The following TBC1D8 variants were observed in gnomAD, a reference collection of about 807,000 sequenced individuals.
The protein encoded by TBC1D8 is TBC1 domain family member 8.
Under a neutral mutation model 118.8 loss-of-function variants are expected in TBC1D8, and 65 were observed. That is an observed-to-expected ratio of 0.55 (90% CI 0.45 to 0.67). TBC1D8 has a LOEUF of 0.67. Among genes scored for constraint, TBC1D8 ranks in the 30% least tolerant of loss-of-function variants. The pLI is 0.00. For synonymous variants in TBC1D8, 566 were observed against 595.8 expected (o/e 0.95, Z 0.73); for missense variants, 1,376 against 1,471.2 (o/e 0.94, Z 1.06).
At chr2:101,009,998 T>C (rs567463216) in intron 19 of TBC1D8, among the ~76,000 whole-genome samples, 239 of 152,046 alleles carry the variant, frequency 1.6e-3, no homozygotes, top group African/African-American at 5.5e-3. Flanking sequence ...ATTTTTTTTT[T>C]TGTATTTTTA....
chr2:101,035,811 C>T lies in TBC1D8; in HGVS notation c.1603+207G>A, dbSNP rs149360276. Among the ~76,000 whole-genome samples, 757 of 152,284 alleles carry T rather than the reference C, an allele frequency of 5.0e-3. 10 individuals are homozygous for T. Among genetic ancestry groups the T allele is most frequent in the African/African-American group, 0.017 (723 of 41,554 alleles). ...CAGACCTCGCATTTACCCAGTTGGA[C>T]GCCACAGCCCAGAGGCCCAGGCAGC... On this transcript the variant is annotated intron_variant, in intron 9 of 19. Coordinates refer to ENST00000409318, the MANE Select transcript of TBC1D8 (RefSeq NM_001330348.2).
intron 14 of TBC1D8, 93 bp from the exon 15 acceptor site, chr2:101,027,544 C>T (rs1558631597): frequency 3.6e-5 from 40 of 1,100,492 alleles, no homozygotes; most frequent in Non-Finnish European, 5.2e-5. Context: ...GAAGGGGACA[C>T]AAGGAGCCCA....
intron 5 of TBC1D8, among the ~76,000 whole-genome samples, chr2:101,049,330 C>T (rs562980634): frequency 2.8e-4 from 42 of 152,330 alleles, no homozygotes; most frequent in African/African-American, 9.6e-4. Context: ...ACGTAGCATA[C>T]TGACTTACAC....
At chr2:101,148,028 T>C (rs1256051296) in intron 1 of TBC1D8, among the ~76,000 whole-genome samples, 3 of 152,216 alleles carry the variant, frequency 2.0e-5, no homozygotes, top group Non-Finnish European at 2.9e-5. Flanking sequence ...GGCACCTCCC[T>C]AGTAGTGCTC....
At chr2:101,133,146 C>T (rs1367428417) in intron 1 of TBC1D8, among the ~76,000 whole-genome samples, 1 of 137,388 alleles carries the variant, frequency 7.3e-6, no homozygotes, top group African/African-American at 2.8e-5. Flanking sequence ...GGTGACAGTG[C>T]GAGACTCCAT....
intron 2 of TBC1D8, 140 bp from the exon 3 acceptor site, chr2:101,059,679 G>A (rs576619537): frequency 5.5e-5 from 37 of 667,010 alleles, no homozygotes; most frequent in Admixed American, 1.8e-4. Flanking sequence ...AGTGGCTCAC[G>A]CCTGTAATCC....
At chr2:101,099,023 TGGA>T (rs1342797354) in intron 1 of TBC1D8, among the ~76,000 whole-genome samples, 1 of 129,020 alleles carries the variant, frequency 7.8e-6, no homozygotes, top group East Asian at 2.2e-4. Context: ...AGAGAAGAAG[TGGA>T]GGAGATAGAG....
At position 101,028,404 on chromosome 2, in the gene TBC1D8, T is replaced by C. The variant is rs770908183; in HGVS notation, c.2251A>G (p.Ser751Gly). 47 of 1,600,014 alleles carry C rather than the reference T, an allele frequency of 2.9e-5. 1 individual carries two copies. In the South Asian group the frequency reaches 5.0e-4, roughly 17 times the overall value. The change falls in exon 13 of 20, where the codon AGC becomes GGC. Residue 751 changes from serine to glycine, a missense_variant. Coordinates refer to ENST00000409318, the MANE Select transcript of TBC1D8 (RefSeq NM_001330348.2). ...RFLDHIKNED[S>G]PGPPVGSHHA... is the part of the protein sequence containing the mutation. The stretch of plus-strand genomic sequence containing the variant: ...TGGCTGCCAACTGGGGGCCCTGGGC[T>C]GTCCTCATTCTTAATGTGATCTAGA...
intron 2 of TBC1D8, among the ~76,000 whole-genome samples, chr2:101,078,864 C>T (rs1675052825): frequency 6.6e-6 from 1 of 151,530 alleles, no homozygotes; most frequent in South Asian, 2.1e-4. Context: ...GAAGTGGTTA[C>T]TCCCTGAATT....
At chr2:101,051,376 A>T (rs2105413272) in intron 4 of TBC1D8, among the ~76,000 whole-genome samples, 1 of 152,306 alleles carries the variant, frequency 6.6e-6, no homozygotes, top group East Asian at 1.9e-4. Context: ...CAGCAATACC[A>T]TTCTGGACAT....
intron 1 of TBC1D8, among the ~76,000 whole-genome samples, chr2:101,108,190 T>A (rs899649862): frequency 6.6e-6 from 1 of 152,106 alleles, no homozygotes; most frequent in African/African-American, 2.4e-5. Flanking sequence ...ATCACCCTAA[T>A]CTATCATAAG....
intron 2 of TBC1D8, among the ~76,000 whole-genome samples, chr2:101,059,978 G>C (rs1435635185): frequency 6.6e-6 from 1 of 152,168 alleles, no homozygotes; most frequent in African/African-American, 2.4e-5. Context: ...CTGGGCCACA[G>C]TTTGCCAGAT....
intron 4 of TBC1D8, among the ~76,000 whole-genome samples, chr2:101,053,231 T>C (rs1682179595): frequency 6.6e-6 from 1 of 152,170 alleles, no homozygotes; most frequent in African/African-American, 2.4e-5. Context: ...AGGTGTACTT[T>C]GAAAAGCATT....
chr2:101,126,068 A>G (rs1678340033), intron 1 of TBC1D8, among the ~76,000 whole-genome samples: 1 of 152,314 alleles, frequency 6.6e-6, no homozygotes, highest in South Asian at 2.1e-4. Flanking sequence ...TACAAGAAGC[A>G]TGGCACCAGT....
At chr2:101,054,943 A>C (rs1281181928) in intron 3 of TBC1D8, among the ~76,000 whole-genome samples, 2 of 151,460 alleles carry the variant, frequency 1.3e-5, no homozygotes, top group African/African-American at 4.9e-5. Flanking sequence ...CAGCCTCCCA[A>C]AGTGCTGGGA....
In TBC1D8 at chr2:101,007,943, A is replaced by AGTT. The variant is rs2105353529; in HGVS notation, c.3343_3345dup (p.Asn1115dup). ...TTCATGTCCAGTGGCTTTTCAAAAA[A>AGTT]GTTGACTAATGACTGTTCAGTCAGA... On this transcript the variant is annotated inframe_insertion, in exon 20 of 20. Transcript: ENST00000409318. 1 of 1,614,078 alleles carries AGTT rather than the reference A, an allele frequency of 6.2e-7. No individual in the cohort carries two copies. Among genetic ancestry groups the AGTT allele is most frequent in the Non-Finnish European group, 8.5e-7 (1 of 1,179,908 alleles).
intron 1 of TBC1D8, among the ~76,000 whole-genome samples, chr2:101,121,054 T>C (rs1326701964): frequency 1.3e-5 from 2 of 152,200 alleles, no homozygotes; most frequent in Admixed American, 6.5e-5. Context: ...CATGATAACG[T>C]TGAAGAGCCT....
chr2:101,120,282 C>T (rs537025301), intron 1 of TBC1D8, among the ~76,000 whole-genome samples: 156 of 152,314 alleles, frequency 1.0e-3, no homozygotes, highest in Non-Finnish European at 2.0e-3. Context: ...CCCGGCCTTC[C>T]CGGTGCCCAC....
chr2:101,025,838 T>C (rs1680308104), intron 15 of TBC1D8, among the ~76,000 whole-genome samples: 1 of 152,246 alleles, frequency 6.6e-6, no homozygotes, highest in Non-Finnish European at 1.5e-5. Context: ...TCTGTATTTA[T>C]ACTGTTCACA....
Sources: gnomAD v4.1 joint callset for allele counts (sites outside exome capture counted in the v4.1 genomes callset) on GRCh38, gnomAD v4.1.1 for gene constraint, MANE v1.5 for transcripts, NCBI Gene and HGNC (gene_info 2026-07-23, HGNC 2026-07-21) for gene names.